PLCH1: variants seen among roughly 807,000 people sequenced by gnomAD.
PLCH1 encodes the protein phospholipase C eta 1, also known as 1-phosphatidylinositol 4,5-bisphosphate phosphodiesterase eta-1.
In PLCH1, 60 loss-of-function variants were observed where a neutral mutation model predicts 126.7. The ratio of observed to expected loss-of-function variants is 0.47; its 90% CI spans 0.38 to 0.59. PLCH1 has a LOEUF of 0.59. PLCH1 is among the 20% of genes least tolerant of loss of function. The probability of loss-of-function intolerance (pLI) is 0.00; values close to 1 mark genes in which losing one functional copy is unlikely to be tolerated. For synonymous variants in PLCH1, 719 were observed against 734.9 expected (o/e 0.98, Z 0.35); for missense variants, 1,723 against 2,040.0 (o/e 0.84, Z 2.99).
intron 13 of PLCH1, among the ~76,000 whole-genome samples, chr3:155,501,877 G>T (rs1397222475): frequency 2.0e-5 from 3 of 152,156 alleles, no homozygotes; most frequent in Non-Finnish European, 4.4e-5. Flanking sequence ...AAAATGCAGT[G>T]TCTACAAACA....
At chr3:155,598,109 G>A (rs192756308) in intron 2 of PLCH1, among the ~76,000 whole-genome samples, 6 of 152,102 alleles carry the variant, frequency 3.9e-5, no homozygotes, top group South Asian at 2.1e-4. Flanking sequence ...GCTTGAACCC[G>A]GGAGAAGGAG....
chr3:155,542,509 C>T (rs1284751994), intron 10 of PLCH1, among the ~76,000 whole-genome samples: 13 of 152,052 alleles, frequency 8.5e-5, no homozygotes, highest in Admixed American at 2.6e-4. Context: ...TAAATGTCCC[C>T]GTCTGACAGC....
chr3:155,490,869 C>T lies in PLCH1; in HGVS notation c.2308-1G>A, dbSNP rs1182017506. The T allele has an allele frequency of 6.7e-7, 1 of 1,497,124 alleles. No homozygotes were observed. 92.7% of individuals were successfully genotyped at this position (1,497,124 alleles called of 1,614,324 possible). ...CAACTTCAACAAAAGGGTCAATGAT[C>T]TATTAAGTAAAGAGAAAGTACTATT... On this transcript the variant is annotated splice_acceptor_variant, in intron 18 of 22. Transcript: ENST00000460012. LOFTEE classifies it high-confidence loss of function.
chr3:155,596,738 G>T (rs1257230311), intron 2 of PLCH1, among the ~76,000 whole-genome samples: 4 of 152,098 alleles, frequency 2.6e-5, no homozygotes, highest in African/African-American at 7.2e-5. Flanking sequence ...AGTTTTTATA[G>T]AACCAATTAT....
chr3:155,600,791 G>T (rs1383882273), intron 2 of PLCH1, among the ~76,000 whole-genome samples: 1 of 152,108 alleles, frequency 6.6e-6, no homozygotes, highest in Admixed American at 6.5e-5. Flanking sequence ...TATTATAACA[G>T]CTTTCCATGT....
chr3:155,524,204 T>C (rs1320327971), intron 10 of PLCH1, among the ~76,000 whole-genome samples, 200 bp from the exon 11 acceptor site: 1 of 152,244 alleles, frequency 6.6e-6, no homozygotes, highest in Non-Finnish European at 1.5e-5. Flanking sequence ...ATTATGCTGA[T>C]TGAAATAAGC....
At chr3:155,457,988 T>C (rs1195817083) in intron 21 of PLCH1, among the ~76,000 whole-genome samples, 1 of 152,078 alleles carries the variant, frequency 6.6e-6, no homozygotes, top group Non-Finnish European at 1.5e-5. Context: ...CAAAGGGAGA[T>C]CTTCATAATC....
chr3:155,516,517 G>A (rs962369660), intron 11 of PLCH1, among the ~76,000 whole-genome samples: 26 of 152,160 alleles, frequency 1.7e-4, no homozygotes, highest in African/African-American at 5.8e-4. Context: ...TTTGGAGAGC[G>A]GAGGGACTTG....
chr3:155,515,000 G>A, intron 11 of PLCH1, 116 bp from the exon 12 acceptor site: 1 of 618,188 alleles, frequency 1.6e-6, no homozygotes, highest in Non-Finnish European at 2.6e-6. Context: ...TTACTTGTAA[G>A]AAATTAAGCT....
chr3:155,619,642 A>G (rs1440879971), intron 2 of PLCH1, among the ~76,000 whole-genome samples: 1 of 152,038 alleles, frequency 6.6e-6, no homozygotes, highest in Non-Finnish European at 1.5e-5. Context: ...AAGAGATCAC[A>G]TTTTCCCTGA....
At chr3:155,607,938 C>G (rs373978197) in intron 2 of PLCH1, among the ~76,000 whole-genome samples, 1 of 152,114 alleles carries the variant, frequency 6.6e-6, no homozygotes, top group African/African-American at 2.4e-5. Flanking sequence ...GTGGAAGAAA[C>G]AGCTCACTCT....
In PLCH1 at chr3:155,481,410, C is replaced by T. The variant is rs779526320; in HGVS notation, c.4616G>A (p.Arg1539Gln). The part of the protein sequence containing the change: ...EPIDALTEQL[R>Q]KLVSFDQEDN... ...TTCCTGGTCAAAGGACACAAGCTTC[C>T]GAAGCTGCTCGGTCAGGGCATCTAT... The change falls in exon 23 of 23, where the codon CGG (arginine) becomes CAG (glutamine). Residue 1539 changes from arginine to glutamine, a missense_variant. By Grantham distance (43) the Arg-to-Gln change is conservative. Coordinates refer to ENST00000460012, the MANE Select transcript of PLCH1 (RefSeq NM_014996.4). The surrounding 1 kb of genome is among the most constrained non-coding windows in gnomAD (Gnocchi z 4.2). 1.4e-5 allele frequency: 22 copies of T among 1,614,184 alleles called. No homozygotes were observed. Among genetic ancestry groups the T allele is most frequent in the Admixed American group, 1.7e-5 (1 of 60,024 alleles).
chr3:155,740,268 G>A (rs545699846), intron 1 of PLCH1, among the ~76,000 whole-genome samples: 16 of 152,060 alleles, frequency 1.1e-4, no homozygotes, highest in Non-Finnish European at 1.3e-4. Context: ...AAAATTAGCC[G>A]GGCATGATGG....
At chr3:155,610,300 G>A (rs1182840351) in intron 2 of PLCH1, among the ~76,000 whole-genome samples, 1 of 146,386 alleles carries the variant, frequency 6.8e-6, no homozygotes, top group Non-Finnish European at 1.5e-5. Flanking sequence ...GGCAGAGGTT[G>A]CGGTGAGCCA....
chr3:155,582,071 C>CT (rs1730773333), intron 6 of PLCH1, among the ~76,000 whole-genome samples: 3 of 107,856 alleles, frequency 2.8e-5, no homozygotes, highest in Admixed American at 1.1e-4. Context: ...TTTTTCTTTT[C>CT]TTTCTTTTTT....
At chr3:155,589,237 G>C (rs572815905) in intron 4 of PLCH1, among the ~76,000 whole-genome samples, 1 of 152,172 alleles carries the variant, frequency 6.6e-6, no homozygotes, top group Admixed American at 6.5e-5. Context: ...AAGTTTTGCA[G>C]GACATTTGCT....
chr3:155,546,899 TA>T (rs892299965), intron 10 of PLCH1, among the ~76,000 whole-genome samples: 231 of 135,046 alleles, frequency 1.7e-3, no homozygotes, highest in African/African-American at 6.0e-3. Context: ...CAAGATGGAT[TA>T]AAGACTTAAA....
At chr3:155,646,278 G>A (rs926630202) in intron 2 of PLCH1, among the ~76,000 whole-genome samples, 3 of 152,186 alleles carry the variant, frequency 2.0e-5, no homozygotes, top group African/African-American at 7.2e-5. Context: ...AAGCCTGGAT[G>A]ACATCACCAA....
intron 12 of PLCH1, among the ~76,000 whole-genome samples, chr3:155,513,089 G>A (rs1201709899): frequency 6.6e-6 from 1 of 152,150 alleles, no homozygotes; most frequent in Non-Finnish European, 1.5e-5. Flanking sequence ...GTTAATTGAC[G>A]GTCCAGAAAA....
Sources: gnomAD v4.1 joint callset for allele counts (sites outside exome capture counted in the v4.1 genomes callset) on GRCh38, gnomAD v4.1.1 for gene constraint, Gnocchi (gnomAD v3.1) non-coding constraint, MANE v1.5 for transcripts, NCBI Gene and HGNC (gene_info 2026-07-23, HGNC 2026-07-21) for gene names.